The following ARHGEF26 variants were observed in gnomAD, a reference collection of about 807,000 sequenced individuals.
ARHGEF26 encodes the protein Rho guanine nucleotide exchange factor (GEF) 26.
A neutral mutation model predicts 89.4 loss-of-function variants in ARHGEF26; 59 were observed. That is an observed-to-expected ratio of 0.66 (90% CI 0.54 to 0.82). The LOEUF is 0.82. ARHGEF26 is among the 40% of genes least tolerant of loss of function. ARHGEF26 has a pLI of 0.00. For synonymous variants in ARHGEF26, 500 were observed against 428.4 expected (o/e 1.17, Z -2.06); for missense variants, 1,234 against 1,085.6 (o/e 1.14, Z -1.92).
At chr3:154,226,458 A>G (rs1716493486) in intron 11 of ARHGEF26, among the ~76,000 whole-genome samples, 1 of 152,260 alleles carries the variant, frequency 6.6e-6, no homozygotes, top group Non-Finnish European at 1.5e-5. Flanking sequence ...CTTAGTCTAA[A>G]ACATTCCCCT....
Position 154,257,332 on chromosome 3 carries a change from C to T in ARHGEF26, c.*1859C>T, listed in dbSNP as rs1014289302. 6.3e-6 allele frequency: 1 copy of T among 159,868 alleles called. No homozygotes were observed. The highest frequency in any genetic ancestry group is 1.4e-5 in the Non-Finnish European group (1 of 73,358). 9.9% of individuals were successfully genotyped at this position (159,868 alleles called of 1,614,324 possible). A position where few individuals can be genotyped will look rare whatever the true frequency, so the allele number is the denominator to read the frequency against. ...GAAAGATGTGTTGGGGTTTGCAAAA[C>T]AAGCATTCCGTCACCTCTTTAATAA... is the stretch of plus-strand genomic sequence containing the variant. On this transcript the variant is annotated 3_prime_UTR_variant, in exon 15 of 15. Coordinates refer to ENST00000465093, the MANE Select transcript of ARHGEF26 (RefSeq NM_015595.4).
Position 154,121,964 on chromosome 3 carries a change from C to T in ARHGEF26, c.-29C>T, listed in dbSNP as rs764034579. 3.8e-6 allele frequency: 6 copies of T among 1,562,404 alleles called. No individual in the cohort carries two copies. In the African/African-American group the frequency reaches 6.8e-5, roughly 18 times the overall value. On this transcript the variant is annotated 5_prime_UTR_variant, in exon 2 of 15. Coordinates refer to ENST00000465093, the MANE Select transcript of ARHGEF26 (RefSeq NM_015595.4). ...TAGGCAAGACTAACTCGGTGTTGCT[C>T]CTCCCGGCGCTGACTTCGAGGCCCG...
At chr3:154,210,103 G>A (rs1006457988) in intron 9 of ARHGEF26, among the ~76,000 whole-genome samples, 8 of 152,148 alleles carry the variant, frequency 5.3e-5, no homozygotes, top group Admixed American at 2.6e-4. Context: ...AAGTCAGCTT[G>A]TGGTGAATGC....
intron 9 of ARHGEF26, among the ~76,000 whole-genome samples, chr3:154,211,882 T>TGC (rs1430193390): frequency 1.3e-5 from 2 of 151,916 alleles, no homozygotes. Flanking sequence ...TGTGTGTGTG[T>TGC]GTGTATTTTA....
chr3:154,187,915 CTT>C, intron 7 of ARHGEF26, 78 bp downstream of exon 7: 4 of 1,326,918 alleles, frequency 3.0e-6, no homozygotes, highest in Non-Finnish European at 2.0e-6. Flanking sequence ...ATTAATTGAT[CTT>C]TTGAATTATA....
intron 6 of ARHGEF26, among the ~76,000 whole-genome samples, chr3:154,162,369 T>C (rs577530785): frequency 2.6e-5 from 4 of 152,328 alleles, no homozygotes; most frequent in Admixed American, 2.0e-4. Flanking sequence ...TCTAATTGCT[T>C]ATCATAGGAT....
Position 154,255,521 on chromosome 3 carries a change from G to A in ARHGEF26, c.*48G>A, listed in dbSNP as rs111931094. The A allele has an allele frequency of 1.1e-4, 182 of 1,583,798 alleles. No individual in the cohort carries two copies. The African/African-American group carries it at 1.6e-3, about 14-fold the overall frequency. ...CTGCAAGATTTGCACGACACTTACC[G>A]GGCTGGTTGGTTCTGGGCTAGTTTT... On this transcript the variant is annotated 3_prime_UTR_variant, in exon 15 of 15. Transcript: ENST00000465093.
chr3:154,224,668 TG>T (rs918422401), intron 10 of ARHGEF26, among the ~76,000 whole-genome samples: 20 of 152,304 alleles, frequency 1.3e-4, no homozygotes, highest in African/African-American at 4.6e-4. Flanking sequence ...CAGCTGTCTC[TG>T]TAGGGTAATT....
chr3:154,232,334 C>T (rs545711399), intron 11 of ARHGEF26, among the ~76,000 whole-genome samples: 14 of 152,132 alleles, frequency 9.2e-5, no homozygotes, highest in Non-Finnish European at 1.6e-4. Context: ...TGGGGATCCT[C>T]ATCTCCACTA....
chr3:154,189,680 C>T (rs1042840398), intron 7 of ARHGEF26, among the ~76,000 whole-genome samples: 1 of 152,142 alleles, frequency 6.6e-6, no homozygotes, highest in Admixed American at 6.5e-5. Flanking sequence ...GCTTTCAATT[C>T]TAGCTGCATG....
In ARHGEF26 at chr3:154,122,549, G is replaced by A. The variant is rs755539161; in HGVS notation, c.557G>A (p.Gly186Glu). 1 of 1,613,446 alleles carries A rather than the reference G, an allele frequency of 6.2e-7. No individual in the cohort carries two copies. Among genetic ancestry groups the A allele is most frequent in the Non-Finnish European group, 8.5e-7 (1 of 1,179,902 alleles). Residue 186 changes from glycine (G) to glutamate (E), a missense_variant, in exon 2 of 15, where the codon GGG becomes GAG. Transcript: ENST00000465093. ...CTTGCCGCTAATAACGACTCTCCTGGGTCAGGTTCGCAGTCCGGCCGGAAG... is the reference window on the plus strand; with the variant it reads ...CTTGCCGCTAATAACGACTCTCCTGAGTCAGGTTCGCAGTCCGGCCGGAAG... ...NGLAANNDSP[G>E]SGSQSGRKAK...
At chr3:154,172,454 G>A (rs1712510331) in intron 6 of ARHGEF26, among the ~76,000 whole-genome samples, 2 of 152,208 alleles carry the variant, frequency 1.3e-5, no homozygotes, top group African/African-American at 2.4e-5. Context: ...CAGCACTTTG[G>A]GAGGACAAGG....
chr3:154,198,850 T>G (rs1714449547), intron 9 of ARHGEF26, among the ~76,000 whole-genome samples: 9 of 152,104 alleles, frequency 5.9e-5, no homozygotes, highest in Admixed American at 5.9e-4. Flanking sequence ...AATCAAAAAC[T>G]ACCTGCTCCC....
In ARHGEF26 at chr3:154,257,629, TCA is replaced by T. The variant is rs1016478663; in HGVS notation, c.*2159_*2160del. The T allele has an allele frequency of 8.7e-5, 13 of 148,634 alleles. No individual in the cohort carries two copies. The highest frequency in any genetic ancestry group is 3.0e-4 in the African/African-American group (12 of 39,414). 9.2% of individuals were successfully genotyped at this position (148,634 alleles called of 1,614,324 possible). ...GTTATATGGCAAGTATTTAACACATTCACAGTGTTTGTTTGATTTCAACTGTG... is the reference window on the plus strand; with the variant it reads ...GTTATATGGCAAGTATTTAACACATTCAGTGTTTGTTTGATTTCAACTGTG... On this transcript the variant is annotated 3_prime_UTR_variant, in exon 15 of 15. Transcript: ENST00000465093.
At chr3:154,225,573 G>A (rs1716431026) in intron 10 of ARHGEF26, among the ~76,000 whole-genome samples, 1 of 151,958 alleles carries the variant, frequency 6.6e-6, no homozygotes, top group African/African-American at 2.4e-5. Flanking sequence ...TAATAGAAGG[G>A]TCATAATTTT....
intron 6 of ARHGEF26, among the ~76,000 whole-genome samples, chr3:154,158,412 A>G (rs906583116): frequency 1.3e-5 from 2 of 152,088 alleles, no homozygotes; most frequent in Non-Finnish European, 2.9e-5. Flanking sequence ...GTATTTGGGG[A>G]GTTAGAATCC....
At chr3:154,202,185 G>A (rs1219091456) in intron 9 of ARHGEF26, among the ~76,000 whole-genome samples, 3 of 152,078 alleles carry the variant, frequency 2.0e-5, no homozygotes, top group African/African-American at 7.2e-5. Context: ...TTTTGTATAA[G>A]GTGTAAGGAA....
chr3:154,142,807 G>A (rs946770406), intron 4 of ARHGEF26, among the ~76,000 whole-genome samples: 9 of 152,060 alleles, frequency 5.9e-5, no homozygotes, highest in Admixed American at 5.2e-4. Context: ...TCTCAGTTAC[G>A]CAGACTCCTT....
intron 10 of ARHGEF26, among the ~76,000 whole-genome samples, chr3:154,220,109 C>T (rs1290998684): frequency 6.6e-6 from 1 of 152,060 alleles, no homozygotes; most frequent in Non-Finnish European, 1.5e-5. Flanking sequence ...ATCTTAGGAC[C>T]TTATAATACT....
Sources: gnomAD v4.1 joint callset for allele counts (sites outside exome capture counted in the v4.1 genomes callset) on GRCh38, gnomAD v4.1.1 for gene constraint, MANE v1.5 for transcripts, NCBI Gene and HGNC (gene_info 2026-07-23, HGNC 2026-07-21) for gene names.